FNIP2: variants seen among roughly 807,000 people sequenced by gnomAD.
The protein encoded by FNIP2 is folliculin interacting protein 2, also known as folliculin-interacting protein 2.
In FNIP2, 32 loss-of-function variants were observed where a neutral mutation model predicts 108.7. The ratio of observed to expected loss-of-function variants is 0.29; its 90% CI spans 0.22 to 0.40. FNIP2 has a LOEUF of 0.40. Among genes scored for constraint, FNIP2 ranks in the 10% least tolerant of loss-of-function variants. FNIP2 has a pLI of 1.00. For synonymous variants in FNIP2, 480 were observed against 496.7 expected, an observed-to-expected ratio of 0.97 and a Z score of 0.45; for missense variants, 1,202 against 1,381.6, an observed-to-expected ratio of 0.87 and a Z score of 2.06.
intron 1 of FNIP2, among the ~76,000 whole-genome samples, chr4:158,813,567 G>C (rs140073920): frequency 7.4e-4 from 112 of 152,070 alleles, no homozygotes; most frequent in Middle Eastern, 6.8e-3. Context: ...TCTTTATTTT[G>C]GATAAAACAG....
intron 1 of FNIP2, among the ~76,000 whole-genome samples, chr4:158,822,989 T>G (rs890186018): frequency 2.0e-5 from 3 of 152,200 alleles, no homozygotes; most frequent in African/African-American, 7.2e-5. Flanking sequence ...ACATGAAACA[T>G]TTAATAAGGT....
chr4:158,782,353 A>G (rs1776079245), intron 1 of FNIP2, among the ~76,000 whole-genome samples: 1 of 152,070 alleles, frequency 6.6e-6, no homozygotes, highest in South Asian at 2.1e-4. Context: ...CCCCTATCCC[A>G]GACCTCTCTT....
intron 16 of FNIP2, among the ~76,000 whole-genome samples, chr4:158,898,456 C>T (rs191622995): frequency 6.6e-6 from 1 of 152,274 alleles, no homozygotes; most frequent in African/African-American, 2.4e-5. Flanking sequence ...AATATTGATT[C>T]TTCCTATCCA....
At chr4:158,900,637 A>G (rs1171744287) in intron 16 of FNIP2, among the ~76,000 whole-genome samples, 1 of 152,064 alleles carries the variant, frequency 6.6e-6, no homozygotes, top group Admixed American at 6.5e-5. Flanking sequence ...AGTCTGTTTT[A>G]TCAGGACTAG....
At chr4:158,781,208 G>T (rs74739202) in intron 1 of FNIP2, among the ~76,000 whole-genome samples, 1 of 152,042 alleles carries the variant, frequency 6.6e-6, no homozygotes, top group East Asian at 1.9e-4. Flanking sequence ...GAGTGAGGGA[G>T]GGCTCTTTAA....
chr4:158,839,548 T>C (rs914318104), intron 7 of FNIP2, among the ~76,000 whole-genome samples: 2 of 151,988 alleles, frequency 1.3e-5, no homozygotes, highest in Middle Eastern at 6.8e-3. Context: ...TTTTCTTTTA[T>C]GTAGAAACAA....
chr4:158,830,039 T>C (rs1183419122), intron 3 of FNIP2, among the ~76,000 whole-genome samples: 2 of 151,868 alleles, frequency 1.3e-5, no homozygotes, highest in Non-Finnish European at 2.9e-5. Context: ...AAGTATGGAG[T>C]AGAATTTTCA....
intron 8 of FNIP2, among the ~76,000 whole-genome samples, chr4:158,853,538 C>A (rs1472055293): frequency 1.3e-5 from 2 of 152,162 alleles, no homozygotes; most frequent in African/African-American, 4.8e-5. Context: ...CCCCCTACCC[C>A]ACGACAGGCG....
chr4:158,860,176 G>A (rs772018889), intron 10 of FNIP2, among the ~76,000 whole-genome samples: 4 of 152,144 alleles, frequency 2.6e-5, no homozygotes, highest in Non-Finnish European at 5.9e-5. Context: ...AATTGTGTTG[G>A]GTAGCAGGTG....
intron 14 of FNIP2, chr4:158,890,123 A>T: frequency 1.0e-6 from 1 of 985,254 alleles, no homozygotes; most frequent in Non-Finnish European, 1.2e-6. Context: ...TGAATTCAAA[A>T]ATATACTTTA....
intron 2 of FNIP2, among the ~76,000 whole-genome samples, chr4:158,828,564 C>T (rs555267261): frequency 2.0e-5 from 3 of 152,136 alleles, no homozygotes; most frequent in East Asian, 3.9e-4. Context: ...TGCAGTGAGC[C>T]GAGATCATGC....
chr4:158,802,368 A>C (rs762251558), intron 1 of FNIP2, among the ~76,000 whole-genome samples: 3 of 152,078 alleles, frequency 2.0e-5, no homozygotes, highest in Non-Finnish European at 4.4e-5. Flanking sequence ...AATATCAGAG[A>C]AAGAGGGATT....
chr4:158,907,967 A>G lies in FNIP2; in HGVS notation c.*3423A>G, dbSNP rs1729984237. On this transcript the variant is annotated 3_prime_UTR_variant, in exon 17 of 17. Coordinates refer to ENST00000264433, the MANE Select transcript of FNIP2 (RefSeq NM_020840.3). The stretch of plus-strand genomic sequence containing the variant: ...ATAGATACCAATGTCATTGTGTGGG[A>G]ATTTTTTTTAACTTGTTTATGTATT... 1 of 152,112 alleles carries G rather than the reference A, an allele frequency of 6.6e-6. No individual in the cohort carries two copies. The highest frequency in any genetic ancestry group is 1.5e-5 in the Non-Finnish European group (1 of 68,018). The allele number at this position is 152,112 out of a possible 1,614,324, so 9.4% of individuals were successfully genotyped here.
chr4:158,850,136 A>G (rs1026553812), intron 7 of FNIP2, among the ~76,000 whole-genome samples: 2 of 152,230 alleles, frequency 1.3e-5, no homozygotes, highest in Non-Finnish European at 2.9e-5. Context: ...TTTGCCTACA[A>G]AAGTATAAAT....
chr4:158,824,111 G>C (rs1473948890), intron 1 of FNIP2, among the ~76,000 whole-genome samples: 10 of 152,180 alleles, frequency 6.6e-5, no homozygotes, highest in African/African-American at 2.4e-4. Context: ...CACAATTTGT[G>C]ATTGAGTACC....
intron 1 of FNIP2, among the ~76,000 whole-genome samples, chr4:158,794,100 A>G (rs923898979): frequency 6.6e-6 from 1 of 152,196 alleles, no homozygotes; most frequent in Admixed American, 6.5e-5. Flanking sequence ...AATATTGATA[A>G]CATGTTGAAT....
intron 2 of FNIP2, among the ~76,000 whole-genome samples, chr4:158,826,564 A>G (rs1778168705): frequency 6.6e-6 from 1 of 152,136 alleles, no homozygotes; most frequent in Admixed American, 6.5e-5. Context: ...AACCCTTCTG[A>G]CCAGGGGAGC....
chr4:158,882,222 C>T lies in FNIP2; in HGVS notation c.2950-9224C>T, dbSNP rs1357611564. Among the ~76,000 whole-genome samples, 9 of 150,810 alleles carry T rather than the reference C, an allele frequency of 6.0e-5. 1 individual carries two copies. Among genetic ancestry groups the T allele is most frequent in the South Asian group, 4.2e-4 (2 of 4,762 alleles). ...CCGTCTGAGAAGTGAGGAGCCCCTC[C>T]GCCCGGCAGCCGCCCCGTCTGAGAA... On this transcript the variant is annotated intron_variant, in intron 14 of 16. Coordinates refer to ENST00000264433, the MANE Select transcript of FNIP2 (RefSeq NM_020840.3).
chr4:158,832,204 T>A, intron 5 of FNIP2, 66 bp downstream of exon 5: 1 of 1,290,304 alleles, frequency 7.8e-7, no homozygotes, highest in Non-Finnish European at 1.1e-6. Context: ...ATAGACTAAT[T>A]CTTTAAGGGC....
Sources: gnomAD v4.1 joint callset for allele counts (sites outside exome capture counted in the v4.1 genomes callset) on GRCh38, gnomAD v4.1.1 for gene constraint, MANE v1.5 for transcripts, NCBI Gene and HGNC (gene_info 2026-07-23, HGNC 2026-07-21) for gene names.